Variants in BNC2 observed in about 807,000 individuals in gnomAD.
BNC2 encodes basonuclin zinc finger protein 2, also known as zinc finger protein basonuclin-2.
A neutral mutation model predicts 76.3 loss-of-function variants in BNC2; 20 were observed. That is an observed-to-expected ratio of 0.26 (90% CI 0.18 to 0.38). The LOEUF (loss-of-function observed/expected upper bound fraction) is 0.38. Among genes scored for constraint, BNC2 ranks in the 10% least tolerant of loss-of-function variants. The pLI is 1.00. For synonymous variants in BNC2, 582 were observed against 514.8 expected (o/e 1.13, Z -1.77); for missense variants, 1,382 against 1,399.8 (o/e 0.99, Z 0.20).
chr9:16,763,364 G>C (rs1318013901), intron 1 of BNC2, among the ~76,000 whole-genome samples: 1 of 151,926 alleles, frequency 6.6e-6, no homozygotes, highest in Non-Finnish European at 1.5e-5. Context: ...GAGCCCAAGA[G>C]TTCATGACCA....
intron 3 of BNC2, among the ~76,000 whole-genome samples, chr9:16,713,887 C>T (rs1445123054): frequency 6.6e-6 from 1 of 152,082 alleles, no homozygotes; most frequent in Non-Finnish European, 1.5e-5. Flanking sequence ...CCAGCCTGGG[C>T]AATATGGCAA....
At chr9:16,768,833 C>T (rs1045551122) in intron 1 of BNC2, among the ~76,000 whole-genome samples, 1 of 152,130 alleles carries the variant, frequency 6.6e-6, no homozygotes, top group African/African-American at 2.4e-5. Flanking sequence ...GGAGACTAGA[C>T]TAAGATCTTA....
At chr9:16,732,338 T>C (rs900159285) in intron 2 of BNC2, among the ~76,000 whole-genome samples, 1 of 152,100 alleles carries the variant, frequency 6.6e-6, no homozygotes, top group African/African-American at 2.4e-5. Context: ...TTAATTTCTT[T>C]AAAAGCACAT....
At position 16,812,652 on chromosome 9, in the gene BNC2, A is replaced by G. The variant is rs566225515; in HGVS notation, c.3+57994T>C. ...TGACACATATTCCTCATAGGACTTAATAAAATAGATATTTCTCATGCCTGG... is the reference window on the plus strand; with the variant it reads ...TGACACATATTCCTCATAGGACTTAGTAAAATAGATATTTCTCATGCCTGG... On this transcript the variant is annotated intron_variant, in intron 1 of 6. Transcript: ENST00000380672. 3.3e-5 allele frequency among the ~76,000 whole-genome samples: 5 copies of G among 152,358 alleles called. No homozygotes were observed. In the East Asian group the frequency reaches 9.6e-4, roughly 29 times the overall value.
Position 16,765,953 on chromosome 9 carries a change from AT to A in BNC2, c.4-27469del, listed in dbSNP as rs552545728. On this transcript the variant is annotated intron_variant, in intron 1 of 6. Transcript: ENST00000380672. ...AGGCGCTCGCCACCACGCCTGGCTA[AT>A]TTTTTTGTATTTTTAGTAGAGACGG... is the stretch of plus-strand genomic sequence containing the variant. 4.4e-3 allele frequency among the ~76,000 whole-genome samples: 670 copies of A among 151,804 alleles called. 2 individuals are homozygous for A. Among genetic ancestry groups the A allele is most frequent in the African/African-American group, 0.015 (627 of 41,364 alleles).
chr9:16,448,558 AG>A (rs922778835), intron 5 of BNC2, among the ~76,000 whole-genome samples: 2 of 152,142 alleles, frequency 1.3e-5, no homozygotes, highest in African/African-American at 4.8e-5. Context: ...AACAACCCCA[AG>A]GAACTTTAAC....
intron 4 of BNC2, among the ~76,000 whole-genome samples, chr9:16,558,681 A>G (rs953471323): frequency 4.6e-5 from 7 of 152,160 alleles, no homozygotes; most frequent in African/African-American, 1.7e-4. Context: ...CTGTCATCCC[A>G]GCACTTTGGG....
intron 1 of BNC2, among the ~76,000 whole-genome samples, chr9:16,844,999 T>C (rs1159067772): frequency 6.6e-6 from 1 of 152,116 alleles, no homozygotes; most frequent in African/African-American, 2.4e-5. Context: ...TTCCAAACAC[T>C]GTGTAGGTAG....
intron 1 of BNC2, among the ~76,000 whole-genome samples, chr9:16,846,669 T>C (rs1818990122): frequency 6.6e-6 from 1 of 152,214 alleles, no homozygotes; most frequent in Non-Finnish European, 1.5e-5. Context: ...GCCCCAGTCA[T>C]AAGCATATCT....
Position 16,609,425 on chromosome 9 carries a change from G to A in BNC2, c.331-26340C>T, listed in dbSNP as rs370227147. Among the ~76,000 whole-genome samples, 13 of 152,246 alleles carry A rather than the reference G, an allele frequency of 8.5e-5. No homozygotes were observed. The South Asian group carries it at 2.7e-3, about 32-fold the overall frequency. ...AGGTGAACTGAGATAGGAATCTACA[G>A]GCCCAAAGGTGAAAGCTTGAGCTGC... On this transcript the variant is annotated intron_variant, in intron 3 of 6. Transcript: ENST00000380672.
chr9:16,682,315 T>TTTTTTTTTTTTTTTTTTTTTTTTTTTGAG (rs1294621121), intron 3 of BNC2, among the ~76,000 whole-genome samples: 1 of 150,132 alleles, frequency 6.7e-6, no homozygotes, highest in African/African-American at 2.5e-5. Context: ...CATAGGAATT[T>TTTTTTTTTTTTTTTTTTTTTTTTTTTGAG]AAATCCGTTC....
chr9:16,843,061 G>T (rs1051909449), intron 1 of BNC2, among the ~76,000 whole-genome samples: 5 of 152,070 alleles, frequency 3.3e-5, no homozygotes, highest in Non-Finnish European at 7.4e-5. Context: ...TAACATTACT[G>T]AACTGTACAC....
chr9:16,786,715 G>A (rs755130277), intron 1 of BNC2, among the ~76,000 whole-genome samples: 1 of 152,110 alleles, frequency 6.6e-6, no homozygotes. Flanking sequence ...CAAATGTGGG[G>A]GGCAGAGTCC....
chr9:16,809,295 G>T (rs1817989433), intron 1 of BNC2, among the ~76,000 whole-genome samples: 1 of 151,982 alleles, frequency 6.6e-6, no homozygotes, highest in Non-Finnish European at 1.5e-5. Flanking sequence ...GGTCTACAGT[G>T]TGTTATCACT....
At chr9:16,443,735 T>A (rs1314957377) in intron 5 of BNC2, among the ~76,000 whole-genome samples, 1 of 152,132 alleles carries the variant, frequency 6.6e-6, no homozygotes, top group East Asian at 1.9e-4. Flanking sequence ...ATGAAAGACG[T>A]TAGACCCAAA....
chr9:16,760,567 G>A (rs922610482), intron 1 of BNC2, among the ~76,000 whole-genome samples: 4 of 152,102 alleles, frequency 2.6e-5, no homozygotes, highest in African/African-American at 9.7e-5. Flanking sequence ...CAACTACAGG[G>A]ATATGAATAC....
chr9:16,818,600 T>C (rs560273557), intron 1 of BNC2, among the ~76,000 whole-genome samples: 18 of 152,164 alleles, frequency 1.2e-4, no homozygotes, highest in Non-Finnish European at 2.4e-4. Flanking sequence ...TGGTGATTAT[T>C]ACTGTGTCTT....
At chr9:16,672,722 G>C (rs1304011002) in intron 3 of BNC2, among the ~76,000 whole-genome samples, 3 of 152,174 alleles carry the variant, frequency 2.0e-5, no homozygotes, top group Non-Finnish European at 2.9e-5. Context: ...TTTTACAAGA[G>C]AGATTACATG....
rs1187083042 is a variant in BNC2 at position 16,421,169 on chromosome 9, A to G, written c.2640-1520T>C. 3.8e-6 allele frequency: 3 copies of G among 792,704 alleles called. No individual in the cohort carries two copies. In the East Asian group the frequency reaches 2.1e-4, roughly 55 times the overall value. The allele number at this position is 792,704 out of a possible 1,614,324, so 49.1% of individuals were successfully genotyped here. ...CAAGAAAGGTGGGGAAGACTTCTCC[A>G]CCTTTCCACACAAGACAATATACAG... On this transcript the variant is annotated intron_variant, in intron 6 of 6. Transcript: ENST00000380672.
Sources: allele counts gnomAD v4.1 joint callset (sites outside exome capture counted in the v4.1 genomes callset), GRCh38; gene constraint gnomAD v4.1.1; transcripts MANE v1.5; gene names NCBI Gene and HGNC (gene_info 2026-07-23, HGNC 2026-07-21).